Variants in CSMD1 observed in about 807,000 individuals in gnomAD.
CSMD1 encodes the protein CUB and Sushi multiple domains 1, also known as CUB and sushi domain-containing protein 1.
Under a neutral mutation model 417.5 loss-of-function variants are expected in CSMD1, and 213 were observed. The ratio of observed to expected loss-of-function variants is 0.51; its 90% CI spans 0.46 to 0.57. The LOEUF (loss-of-function observed/expected upper bound fraction) is 0.57. Among genes scored for constraint, CSMD1 ranks in the 20% least tolerant of loss-of-function variants. CSMD1 has a pLI of 0.00. For missense variants in CSMD1, 6,923 were observed against 4,529.7 expected (o/e 1.53, Z -15.17); for synonymous variants, 2,862 against 1,736.8 (o/e 1.65, Z -16.11).
At chr8:4,246,410 T>C (rs1052054485) in intron 3 of CSMD1, among the ~76,000 whole-genome samples, 3 of 152,218 alleles carry the variant, frequency 2.0e-5, no homozygotes, top group African/African-American at 7.2e-5. Context: ...GTGAAGTTCT[T>C]AATAAGTTGT....
intron 7 of CSMD1, among the ~76,000 whole-genome samples, chr8:3,670,971 T>C (rs183967471): frequency 2.1e-4 from 24 of 115,766 alleles, no homozygotes; most frequent in Non-Finnish European, 1.5e-4. Flanking sequence ...TATATGTATA[T>C]GGGATATATA....
chr8:4,220,038 C>T (rs1005554438), intron 3 of CSMD1, among the ~76,000 whole-genome samples: 5 of 152,120 alleles, frequency 3.3e-5, no homozygotes, highest in African/African-American at 7.2e-5. Context: ...CAACCTCTGC[C>T]TCTCAGGTTT....
At chr8:3,749,338 T>G (rs1228809099) in intron 6 of CSMD1, among the ~76,000 whole-genome samples, 2 of 152,238 alleles carry the variant, frequency 1.3e-5, no homozygotes, top group African/African-American at 4.8e-5. Flanking sequence ...CGTTTTCTAC[T>G]ACTTTTGTTC....
intron 3 of CSMD1, among the ~76,000 whole-genome samples, chr8:4,346,135 A>G (rs1334141326): frequency 2.0e-5 from 3 of 152,128 alleles, no homozygotes; most frequent in Non-Finnish European, 4.4e-5. Context: ...AGGTTTTTCT[A>G]CTCCAAACTC....
At chr8:3,834,939 T>C (rs2129089866) in intron 5 of CSMD1, among the ~76,000 whole-genome samples, 1 of 151,944 alleles carries the variant, frequency 6.6e-6, no homozygotes, top group East Asian at 1.9e-4. Context: ...AAAGAAGACA[T>C]TTAGGCAGTC....
chr8:4,056,334 C>T (rs1196257699), intron 3 of CSMD1, among the ~76,000 whole-genome samples: 5 of 151,586 alleles, frequency 3.3e-5, no homozygotes, highest in Admixed American at 3.3e-4. Flanking sequence ...CCACCCGCGT[C>T]AGCCTCCCAA....
intron 12 of CSMD1, among the ~76,000 whole-genome samples, chr8:3,455,409 T>G (rs189955541): frequency 3.5e-4 from 54 of 152,318 alleles, no homozygotes; most frequent in African/African-American, 1.2e-3. Context: ...AGTCTCCAGT[T>G]TTTCTGCTCT....
intron 3 of CSMD1, among the ~76,000 whole-genome samples, chr8:4,224,652 A>G (rs1197611483): frequency 2.0e-5 from 3 of 152,224 alleles, no homozygotes; most frequent in Non-Finnish European, 4.4e-5. Context: ...AGAGGGAGAT[A>G]AGTGGATAGA....
At chr8:4,249,147 T>C (rs1055398703) in intron 3 of CSMD1, among the ~76,000 whole-genome samples, 2 of 152,182 alleles carry the variant, frequency 1.3e-5, no homozygotes, top group African/African-American at 4.8e-5. Flanking sequence ...GAAAATATAA[T>C]CTTAACATAT....
At chr8:4,162,565 T>C (rs1019021488) in intron 3 of CSMD1, among the ~76,000 whole-genome samples, 1 of 152,192 alleles carries the variant, frequency 6.6e-6, no homozygotes, top group African/African-American at 2.4e-5. Context: ...TAAGTTACTT[T>C]GATTTTTTAA....
chr8:4,799,899 T>TA, intron 1 of CSMD1, among the ~76,000 whole-genome samples: 1 of 152,258 alleles, frequency 6.6e-6, no homozygotes, highest in East Asian at 1.9e-4. Context: ...CCTGGACTGG[T>TA]AAAATGAACT....
chr8:3,120,623 TG>T (rs1273596830), intron 41 of CSMD1, among the ~76,000 whole-genome samples: 1 of 151,716 alleles, frequency 6.6e-6, no homozygotes, highest in South Asian at 2.1e-4. Flanking sequence ...CCGAAGCGGG[TG>T]GATCACAAGG....
intron 23 of CSMD1, among the ~76,000 whole-genome samples, chr8:3,337,939 C>T (rs186080948): frequency 1.2e-3 from 184 of 152,278 alleles, no homozygotes; most frequent in African/African-American, 4.4e-3. Flanking sequence ...AAGGGAAGCT[C>T]GGCTAGGTTT....
intron 1 of CSMD1, 44 bp downstream of exon 1, chr8:4,994,288 C>G: frequency 6.3e-7 from 1 of 1,576,864 alleles, no homozygotes; most frequent in Non-Finnish European, 8.6e-7. Flanking sequence ...ACGGGGCCTC[C>G]GAGGGCTCTA....
chr8:2,987,810 C>T (rs1341016231), intron 54 of CSMD1, among the ~76,000 whole-genome samples: 2 of 152,204 alleles, frequency 1.3e-5, no homozygotes, highest in Admixed American at 6.5e-5. Context: ...TGGGCTCACA[C>T]CAACCTCCTG....
At chr8:3,904,257 T>C (rs1807959171) in intron 5 of CSMD1, among the ~76,000 whole-genome samples, 1 of 152,192 alleles carries the variant, frequency 6.6e-6, no homozygotes, top group Admixed American at 6.5e-5. Context: ...AATAGCACCT[T>C]CCCTTACCAA....
chr8:4,927,189 C>A (rs979529490), intron 1 of CSMD1, among the ~76,000 whole-genome samples: 5 of 151,316 alleles, frequency 3.3e-5, no homozygotes, highest in African/African-American at 1.2e-4. Context: ...TCAGGGCAAT[C>A]TCCACCTCCC....
chr8:3,166,132 G>C (rs1015263193), intron 37 of CSMD1, among the ~76,000 whole-genome samples: 1 of 152,084 alleles, frequency 6.6e-6, no homozygotes, highest in African/African-American at 2.4e-5. Context: ...GTAAGCTTGA[G>C]TCTATACATG....
At chr8:4,398,695 ACT>A (rs1804439783) in intron 3 of CSMD1, among the ~76,000 whole-genome samples, 1 of 151,928 alleles carries the variant, frequency 6.6e-6, no homozygotes, top group East Asian at 1.9e-4. Flanking sequence ...ACACCCGGCC[ACT>A]CTGCAACATT....
Sources: gnomAD v4.1 joint callset for allele counts (sites outside exome capture counted in the v4.1 genomes callset) on GRCh38, gnomAD v4.1.1 for gene constraint, MANE v1.5 for transcripts, NCBI Gene and HGNC (gene_info 2026-07-23, HGNC 2026-07-21) for gene names.